The following OLAH variants were observed in gnomAD, a reference collection of about 807,000 sequenced individuals.
OLAH encodes oleoyl-ACP hydrolase.
Under a neutral mutation model 27.8 loss-of-function variants are expected in OLAH, and 33 were observed. The ratio of observed to expected loss-of-function variants is 1.19; its 90% CI spans 0.90 to 1.59. The LOEUF is 1.59. Among genes scored for constraint, OLAH ranks in the 40% most tolerant of loss-of-function variants. The probability of loss-of-function intolerance (pLI) is 0.00; values close to 1 mark genes in which losing one functional copy is unlikely to be tolerated. For synonymous variants in OLAH, 120 were observed against 102.9 expected (o/e 1.17, Z -1.01); for missense variants, 359 against 310.8 (o/e 1.16, Z -1.17).
intron 1 of OLAH, among the ~76,000 whole-genome samples, chr10:15,044,434 A>T (rs1843976111): frequency 6.6e-6 from 1 of 151,004 alleles, no homozygotes; most frequent in Non-Finnish European, 1.5e-5. Flanking sequence ...TTTTAATTTT[A>T]TATATATATA....
At chr10:15,058,335 C>T (rs1397597810) in intron 3 of OLAH, among the ~76,000 whole-genome samples, 1 of 152,086 alleles carries the variant, frequency 6.6e-6, no homozygotes, top group Non-Finnish European at 1.5e-5. Flanking sequence ...CAAAGCAATC[C>T]TCCCACCTTG....
chr10:15,044,579 C>T (rs976183488), intron 1 of OLAH, among the ~76,000 whole-genome samples: 1 of 151,954 alleles, frequency 6.6e-6, no homozygotes, highest in Non-Finnish European at 1.5e-5. Flanking sequence ...CATCTGGGAT[C>T]ATTTACTTTC....
intron 1 of OLAH, among the ~76,000 whole-genome samples, 184 bp from the exon 2 acceptor site, chr10:15,046,942 T>C (rs1039434900): frequency 4.6e-5 from 7 of 152,284 alleles, no homozygotes; most frequent in East Asian, 1.9e-4. Context: ...GTCCTGTTAA[T>C]GGAAGCACTT....
chr10:15,071,470 A>C, intron 6 of OLAH: 3 of 955,262 alleles, frequency 3.1e-6, no homozygotes, highest in Non-Finnish European at 2.5e-6. Flanking sequence ...AGGAGAGCTA[A>C]GAGTTACTAA....
chr10:15,054,410 C>T (rs1844206168), intron 3 of OLAH, among the ~76,000 whole-genome samples: 1 of 152,186 alleles, frequency 6.6e-6, no homozygotes, highest in African/African-American at 2.4e-5. Context: ...CTGCCTTATG[C>T]CCCTTGGTCA....
chr10:15,035,752 A>C (rs1843832054), intron 1 of OLAH, among the ~76,000 whole-genome samples: 2 of 152,188 alleles, frequency 1.3e-5, no homozygotes, highest in African/African-American at 4.8e-5. Context: ...GGAAGCACAG[A>C]GGTAGATCTG....
chr10:15,064,639 A>G, intron 5 of OLAH, 137 bp downstream of exon 5: 3 of 563,456 alleles, frequency 5.3e-6, no homozygotes, highest in Non-Finnish European at 9.1e-6. Context: ...GGTTGGTGCA[A>G]AAGCCATTGA....
intron 3 of OLAH, among the ~76,000 whole-genome samples, chr10:15,055,271 G>A (rs11259454): frequency 0.062 from 9,488 of 152,202 alleles, 558 homozygotes; most frequent in African/African-American, 0.15. Flanking sequence ...GCAAGAATAC[G>A]TCATTCCACT....
rs368669175 is a variant in OLAH at position 15,049,734 on chromosome 10, A to G, written c.132A>G (p.Lys44=). The G allele has an allele frequency of 4.4e-5, 70 of 1,608,892 alleles. No individual in the cohort carries two copies. Among genetic ancestry groups the G allele is most frequent in the Admixed American group, 1.2e-4 (7 of 58,100 alleles). The part of the protein sequence containing the change: ...WMGGGSTHFA[K]WGQDTHDLLE... ...GAGGTGGCTCCACTCATTTTGCCAAATGGGGCCAAGATACTCATGATTTGC... is the reference window on the plus strand; with the variant it reads ...GAGGTGGCTCCACTCATTTTGCCAAGTGGGGCCAAGATACTCATGATTTGC... The change falls in exon 3 of 8, where the codon AAA becomes AAG. Residue 44 remains lysine (K), a synonymous_variant. Transcript: ENST00000378228.
At chr10:15,035,001 C>G (rs911109979) in intron 1 of OLAH, among the ~76,000 whole-genome samples, 3 of 152,008 alleles carry the variant, frequency 2.0e-5, no homozygotes, top group Non-Finnish European at 4.4e-5. Flanking sequence ...AGGGTTTCGC[C>G]ATGTTGGCCA....
intron 6 of OLAH, among the ~76,000 whole-genome samples, chr10:15,069,872 CA>C (rs1564535782): frequency 6.6e-6 from 1 of 151,660 alleles, no homozygotes. Flanking sequence ...TCTAAAAAAA[CA>C]AAAAAAGACA....
chr10:15,050,578 G>A (rs1361207803), intron 3 of OLAH, among the ~76,000 whole-genome samples: 2 of 124,946 alleles, frequency 1.6e-5, no homozygotes, highest in Non-Finnish European at 3.1e-5. Context: ...GTCTGGCTCT[G>A]TCGCCCAGGC....
intron 4 of OLAH, 91 bp from the exon 5 acceptor site, chr10:15,064,312 T>G: frequency 2.8e-6 from 2 of 706,180 alleles, no homozygotes; most frequent in Non-Finnish European, 5.0e-6. Flanking sequence ...TGATCATTGT[T>G]GTGTTTATGA....
intron 3 of OLAH, among the ~76,000 whole-genome samples, chr10:15,058,876 T>A (rs1206544280): frequency 1.3e-5 from 2 of 151,832 alleles, no homozygotes; most frequent in Non-Finnish European, 1.5e-5. Context: ...TTCCCTCCCT[T>A]CCTACCCCCT....
chr10:15,047,308 C>T lies in OLAH; in HGVS notation c.20C>T (p.Pro7Leu). 1.9e-6 allele frequency: 3 copies of T among 1,613,646 alleles called. No individual in the cohort carries two copies. The South Asian group carries it at 3.3e-5, about 18-fold the overall frequency. MERGDQ[P>L]KRTRNENIFN... ...CACAGCATGGAGAGAGGAGACCAAC[C>T]TAAGAGAACCAGGCAGGCCACCCCT... is the stretch of plus-strand genomic sequence containing the variant. The change falls in exon 2 of 8, where the codon CCT (proline) becomes CTT (leucine). Residue 7 changes from proline (P) to leucine (L), a missense_variant. Physicochemically the swap from Pro to Leu is moderately conservative, Grantham distance 98. Coordinates refer to ENST00000378228, the MANE Select transcript of OLAH (RefSeq NM_001039702.3).
intron 6 of OLAH, among the ~76,000 whole-genome samples, chr10:15,069,890 G>A (rs1323328519): frequency 2.6e-5 from 4 of 151,938 alleles, no homozygotes; most frequent in Non-Finnish European, 5.9e-5. Context: ...GACAAAAGAG[G>A]CTGTGAGTCA....
intron 3 of OLAH, among the ~76,000 whole-genome samples, chr10:15,061,472 G>C (rs1459804852): frequency 1.3e-5 from 2 of 151,190 alleles, no homozygotes; most frequent in African/African-American, 4.9e-5. Context: ...GGAATTTTCA[G>C]TTCCTTTGTT....
intron 3 of OLAH, chr10:15,056,688 T>G: frequency 1.1e-6 from 1 of 899,212 alleles, no homozygotes; most frequent in Admixed American, 4.3e-5. Context: ...TGGAGTACAA[T>G]AGCATGATCT....
chr10:15,034,064 G>C (rs1013301778), intron 1 of OLAH, among the ~76,000 whole-genome samples: 14 of 151,916 alleles, frequency 9.2e-5, no homozygotes, highest in Admixed American at 8.5e-4. Flanking sequence ...GAAAGAGGTG[G>C]GGGAAGGAAC....
Sources: allele counts gnomAD v4.1 joint callset (sites outside exome capture counted in the v4.1 genomes callset), GRCh38; gene constraint gnomAD v4.1.1; transcripts MANE v1.5; gene names NCBI Gene and HGNC (gene_info 2026-07-23, HGNC 2026-07-21).